Variants in PPM1H observed in about 807,000 individuals in gnomAD.
PPM1H encodes the protein protein phosphatase 1H.
Under a neutral mutation model 54.9 loss-of-function variants are expected in PPM1H, and 27 were observed. The ratio of observed to expected loss-of-function variants is 0.49; its 90% CI spans 0.36 to 0.68. The LOEUF (loss-of-function observed/expected upper bound fraction) is 0.68. Among genes scored for constraint, PPM1H ranks in the 30% least tolerant of loss-of-function variants. The pLI, the probability that PPM1H is intolerant of heterozygous loss-of-function variation, is 0.00. For synonymous variants in PPM1H, 305 were observed against 270.8 expected (o/e 1.13, Z -1.24); for missense variants, 596 against 667.8 (o/e 0.89, Z 1.19).
intron 8 of PPM1H, among the ~76,000 whole-genome samples, chr12:62,684,391 G>A (rs1020567171): frequency 2.0e-5 from 3 of 152,152 alleles, no homozygotes; most frequent in Non-Finnish European, 2.9e-5. Flanking sequence ...TTTTTCCAGC[G>A]CCTTGTGTTC....
chr12:62,721,263 T>C lies in PPM1H; in HGVS notation c.955-974A>G, dbSNP rs1307311771. 3.3e-5 allele frequency among the ~76,000 whole-genome samples: 5 copies of C among 152,312 alleles called. No individual in the cohort carries two copies. The Middle Eastern group carries it at 0.01, about 311-fold the overall frequency. On this transcript the variant is annotated intron_variant, in intron 5 of 9. Transcript: ENST00000228705. The stretch of plus-strand genomic sequence containing the variant: ...CCGGCGGATCTCTCACTGATTCTCA[T>C]GAAGGTCTGGAGGTATTAGTTAGAT...
intron 5 of PPM1H, among the ~76,000 whole-genome samples, chr12:62,723,873 C>T (rs1006075714): frequency 1.3e-5 from 2 of 152,134 alleles, no homozygotes; most frequent in African/African-American, 4.8e-5. Context: ...GGACACACTA[C>T]CTCCAATCAC....
intron 2 of PPM1H, among the ~76,000 whole-genome samples, chr12:62,817,116 T>TAAAAAAAAAAAAAAAAAAAAA (rs1189819660): frequency 2.9e-4 from 12 of 41,744 alleles, no homozygotes; most frequent in South Asian, 1.0e-3. Context: ...ACTGCATTAC[T>TAAAAAAAAAAAAAAAAAAAAA]AAAAAAAAAA....
intron 5 of PPM1H, among the ~76,000 whole-genome samples, chr12:62,734,910 G>A (rs1592569994): frequency 2.0e-5 from 3 of 152,130 alleles, no homozygotes; most frequent in African/African-American, 4.8e-5. Context: ...AGCCAGGCAC[G>A]GTGGTGCACC....
intron 8 of PPM1H, among the ~76,000 whole-genome samples, chr12:62,682,650 T>C (rs2076025764): frequency 2.0e-5 from 3 of 152,040 alleles, no homozygotes; most frequent in African/African-American, 7.2e-5. Flanking sequence ...ATTACAGGTG[T>C]GCACCACTAT....
intron 1 of PPM1H, among the ~76,000 whole-genome samples, chr12:62,853,991 G>T (rs1451245751): frequency 2.0e-5 from 3 of 151,996 alleles, no homozygotes; most frequent in Non-Finnish European, 4.4e-5. Context: ...TTCCATACAT[G>T]CCATCTGCTC....
chr12:62,696,481 TACA>T (rs2076115419), intron 6 of PPM1H, among the ~76,000 whole-genome samples: 1 of 152,168 alleles, frequency 6.6e-6, no homozygotes, highest in Admixed American at 6.5e-5. Flanking sequence ...GGAGGAAAAG[TACA>T]ACACCTTCTC....
intron 1 of PPM1H, among the ~76,000 whole-genome samples, chr12:62,860,122 T>G (rs1370666720): frequency 2.0e-5 from 3 of 152,108 alleles, no homozygotes. Flanking sequence ...AAGCCTACAA[T>G]CGAGTCAGAA....
intron 9 of PPM1H, chr12:62,658,881 T>A (rs934533057): frequency 3.2e-6 from 2 of 631,462 alleles, no homozygotes; most frequent in Non-Finnish European, 6.0e-6. Context: ...AAGAAGTTCA[T>A]CCAGCACCAG....
intron 7 of PPM1H, among the ~76,000 whole-genome samples, chr12:62,690,165 G>A (rs2076075169): frequency 6.6e-6 from 1 of 151,898 alleles, no homozygotes; most frequent in Non-Finnish European, 1.5e-5. Context: ...AACCCAATAG[G>A]ATTGATCGAT....
chr12:62,787,255 T>G (rs1003412021), intron 4 of PPM1H, among the ~76,000 whole-genome samples: 1 of 151,186 alleles, frequency 6.6e-6, no homozygotes, highest in Non-Finnish European at 1.5e-5. Context: ...TCAAAAAGGG[T>G]GGAGCAAGCA....
intron 1 of PPM1H, among the ~76,000 whole-genome samples, chr12:62,868,788 A>G (rs1466865603): frequency 6.6e-6 from 1 of 152,234 alleles, no homozygotes; most frequent in Non-Finnish European, 1.5e-5. Flanking sequence ...ACGATGGTGC[A>G]AACACTACGC....
At chr12:62,727,293 A>G (rs1312249563) in intron 5 of PPM1H, among the ~76,000 whole-genome samples, 2 of 152,220 alleles carry the variant, frequency 1.3e-5, no homozygotes, top group Admixed American at 6.5e-5. Flanking sequence ...AGTATTTGCT[A>G]AAAGAATGAA....
rs377237919 is a variant in PPM1H, at chr12:62,783,982, T to C, written c.869+4244A>G. Among the ~76,000 whole-genome samples the C allele has an allele frequency of 2.6e-5, 4 of 152,332 alleles. No homozygotes were observed. In the South Asian group the frequency reaches 8.3e-4, roughly 32 times the overall value. On this transcript the variant is annotated intron_variant, in intron 4 of 9. Coordinates refer to ENST00000228705, the MANE Select transcript of PPM1H (RefSeq NM_020700.2). ...CTGATGACTCAAACACAATGGGTGATAGTTTGCATATTGCTTTGCATGACA... is the reference window on the plus strand; with the variant it reads ...CTGATGACTCAAACACAATGGGTGACAGTTTGCATATTGCTTTGCATGACA...
intron 1 of PPM1H, among the ~76,000 whole-genome samples, chr12:62,858,707 T>C (rs1297949689): frequency 2.0e-5 from 3 of 152,244 alleles, no homozygotes; most frequent in African/African-American, 7.2e-5. Flanking sequence ...ATGCTGGTCA[T>C]CAAAATCTTC....
intron 1 of PPM1H, among the ~76,000 whole-genome samples, chr12:62,909,212 C>T (rs1369573803): frequency 1.3e-5 from 2 of 152,162 alleles, no homozygotes; most frequent in African/African-American, 4.8e-5. Context: ...TCATCCTGGC[C>T]CAAACTGACA....
chr12:62,859,079 G>T (rs181373360), intron 1 of PPM1H, among the ~76,000 whole-genome samples: 26 of 152,256 alleles, frequency 1.7e-4, no homozygotes, highest in Admixed American at 5.9e-4. Flanking sequence ...TACCATAATG[G>T]ATACATATGA....
intron 7 of PPM1H, among the ~76,000 whole-genome samples, chr12:62,690,809 G>A (rs1236405566): frequency 6.6e-6 from 1 of 151,846 alleles, no homozygotes; most frequent in Non-Finnish European, 1.5e-5. Flanking sequence ...CCATCTCTAC[G>A]AAAAATACAA....
chr12:62,900,027 T>C (rs1436631537), intron 1 of PPM1H, among the ~76,000 whole-genome samples: 1 of 152,222 alleles, frequency 6.6e-6, no homozygotes, highest in Non-Finnish European at 1.5e-5. Context: ...AGAAGGCCCA[T>C]GCCAGCACCC....
Sources: gnomAD v4.1 joint callset for allele counts (sites outside exome capture counted in the v4.1 genomes callset) on GRCh38, gnomAD v4.1.1 for gene constraint, MANE v1.5 for transcripts, NCBI Gene and HGNC (gene_info 2026-07-23, HGNC 2026-07-21) for gene names.